Variants in PLEKHA5 observed in about 807,000 individuals in gnomAD.
PLEKHA5 encodes the protein pleckstrin homology domain containing A5, also known as pleckstrin homology domain-containing family A member 5.
Under a neutral mutation model 181.9 loss-of-function variants are expected in PLEKHA5, and 55 were observed. The observed-to-expected ratio is 0.30, with a 90% CI of 0.24 to 0.38. The LOEUF is 0.38. Among genes scored for constraint, PLEKHA5 ranks in the 10% least tolerant of loss-of-function variants. PLEKHA5 has a pLI of 1.00. For synonymous variants in PLEKHA5, 535 were observed against 529.4 expected (o/e 1.01, Z -0.15); for missense variants, 1,432 against 1,549.5 (o/e 0.92, Z 1.27).
intron 3 of PLEKHA5, among the ~76,000 whole-genome samples, chr12:19,190,790 C>T (rs942254299): frequency 6.6e-6 from 1 of 152,162 alleles, no homozygotes; most frequent in African/African-American, 2.4e-5. Context: ...TTCCTATTCT[C>T]AGCCCTCTCA....
intron 3 of PLEKHA5, among the ~76,000 whole-genome samples, chr12:19,216,999 C>T (rs1203301250): frequency 7.9e-5 from 12 of 152,148 alleles, no homozygotes; most frequent in African/African-American, 2.7e-4. Context: ...GTTTTATAGT[C>T]ATAGCAGTGA....
intron 3 of PLEKHA5, among the ~76,000 whole-genome samples, chr12:19,163,311 G>A (rs1254082952): frequency 1.3e-5 from 2 of 151,968 alleles, no homozygotes; most frequent in Non-Finnish European, 2.9e-5. Flanking sequence ...CTAGTAGCTG[G>A]GACTACAGGC....
intron 20 of PLEKHA5, among the ~76,000 whole-genome samples, chr12:19,334,986 A>C (rs865797664): frequency 2.4e-3 from 267 of 110,664 alleles, no homozygotes; most frequent in African/African-American, 9.5e-3. Context: ...TTTTTATGAA[A>C]AAAAAAAAAA....
At chr12:19,263,084 A>G (rs990426919) in intron 7 of PLEKHA5, among the ~76,000 whole-genome samples, 1 of 152,218 alleles carries the variant, frequency 6.6e-6, no homozygotes, top group Non-Finnish European at 1.5e-5. Flanking sequence ...GAAGTATATG[A>G]TATTATACAT....
intron 3 of PLEKHA5, among the ~76,000 whole-genome samples, chr12:19,210,127 A>G (rs1353863970): frequency 1.3e-5 from 2 of 152,178 alleles, no homozygotes; most frequent in African/African-American, 4.8e-5. Context: ...GCTCTCAGTT[A>G]TTTAGGGATG....
At chr12:19,298,438 T>G (rs1283903406) in intron 15 of PLEKHA5, among the ~76,000 whole-genome samples, 1 of 138,652 alleles carries the variant, frequency 7.2e-6, no homozygotes, top group East Asian at 2.4e-4. Context: ...TTGTAACCTA[T>G]CTCAGTGCTA....
chr12:19,186,867 A>G (rs2049986904), intron 3 of PLEKHA5, among the ~76,000 whole-genome samples: 1 of 152,280 alleles, frequency 6.6e-6, no homozygotes, highest in African/African-American at 2.4e-5. Flanking sequence ...TTCCTTCTAA[A>G]TGCTTTGTTA....
intron 3 of PLEKHA5, among the ~76,000 whole-genome samples, chr12:19,196,295 ATAG>A (rs947973588): frequency 9.8e-5 from 15 of 152,338 alleles, no homozygotes; most frequent in African/African-American, 3.1e-4. Flanking sequence ...AGACAATTTA[ATAG>A]TAGATTTTTC....
chr12:19,227,780 G>T (rs758565244), intron 3 of PLEKHA5, among the ~76,000 whole-genome samples: 1 of 152,150 alleles, frequency 6.6e-6, no homozygotes, highest in African/African-American at 2.4e-5. Context: ...AGCAATGACC[G>T]ATCTCTGCCA....
chr12:19,246,634 T>A (rs983711800), intron 3 of PLEKHA5, among the ~76,000 whole-genome samples: 12 of 145,344 alleles, frequency 8.3e-5, no homozygotes, highest in Admixed American at 6.2e-4. Flanking sequence ...AAAAAAACAA[T>A]CTAGTACATT....
intron 15 of PLEKHA5, among the ~76,000 whole-genome samples, chr12:19,292,718 C>T (rs1032552530): frequency 3.3e-5 from 5 of 152,176 alleles, no homozygotes; most frequent in African/African-American, 1.2e-4. Flanking sequence ...GCAGGTGGAT[C>T]ACCTAAGGTC....
chr12:19,183,005 A>C (rs373976459), intron 3 of PLEKHA5, among the ~76,000 whole-genome samples: 2 of 152,364 alleles, frequency 1.3e-5, no homozygotes, highest in South Asian at 2.1e-4. Context: ...TTTGAAAGTT[A>C]AATTTCTGAA....
intron 3 of PLEKHA5, among the ~76,000 whole-genome samples, chr12:19,214,381 A>T (rs918824607): frequency 6.6e-6 from 1 of 152,286 alleles, no homozygotes; most frequent in East Asian, 1.9e-4. Flanking sequence ...ATTACAGTTA[A>T]TGGAGGAGGG....
At position 19,334,998 on chromosome 12, in the gene PLEKHA5, A is replaced by G. The variant is rs1213061990; in HGVS notation, c.2449-1517A>G. ...TTTTTTTTATGAAAAAAAAAAAAAA[A>G]AAAAAGACTGGCAAGATAGCTTCAG... is the stretch of plus-strand genomic sequence containing the variant. On this transcript the variant is annotated intron_variant, in intron 20 of 31. Coordinates refer to ENST00000429027, the MANE Select transcript of PLEKHA5 (RefSeq NM_001256470.2). Among the ~76,000 whole-genome samples, 118 of 139,310 alleles carry G rather than the reference A, an allele frequency of 8.5e-4. 1 individual carries two copies. Among genetic ancestry groups the G allele is most frequent in the African/African-American group, 2.9e-3 (114 of 39,452 alleles). 91.4% of individuals were successfully genotyped at this position (139,310 alleles called of 152,430 possible).
chr12:19,275,008 A>T, intron 11 of PLEKHA5, 25 bp downstream of exon 11: 1 of 1,503,690 alleles, frequency 6.7e-7, no homozygotes, highest in Middle Eastern at 1.7e-4. Context: ...TGTCATTATG[A>T]ACCCAGGTTT....
chr12:19,361,811 A>T, intron 29 of PLEKHA5, 105 bp downstream of exon 29: 1 of 915,854 alleles, frequency 1.1e-6, no homozygotes, highest in Non-Finnish European at 1.7e-6. Context: ...CAGCTTAGCT[A>T]CCTAGGAGCT....
At chr12:19,230,918 G>C (rs1024787605) in intron 3 of PLEKHA5, among the ~76,000 whole-genome samples, 7 of 152,190 alleles carry the variant, frequency 4.6e-5, no homozygotes, top group Non-Finnish European at 8.8e-5. Context: ...TCAATATCAT[G>C]GTGAGTAAAG....
At chr12:19,305,810 A>G (rs2083186049) in intron 15 of PLEKHA5, among the ~76,000 whole-genome samples, 1 of 129,918 alleles carries the variant, frequency 7.7e-6, no homozygotes, top group Non-Finnish European at 1.6e-5. Flanking sequence ...CAGTGAGCCA[A>G]GATTGCGCCA....
intron 28 of PLEKHA5, among the ~76,000 whole-genome samples, chr12:19,360,605 CAAAAAAAAGAAAAAAGAAAAA>C (rs2095191871): frequency 7.3e-6 from 1 of 136,062 alleles, no homozygotes; most frequent in Non-Finnish European, 1.6e-5. Flanking sequence ...GATTCCGTCT[CAAAAAAAAGAAAAAAGAAAAA>C]GAAAAAAAGA....
Sources: allele counts gnomAD v4.1 joint callset (sites outside exome capture counted in the v4.1 genomes callset), GRCh38; gene constraint gnomAD v4.1.1; transcripts MANE v1.5; gene names NCBI Gene and HGNC (gene_info 2026-07-23, HGNC 2026-07-21).